TMEM131L: variants seen among roughly 807,000 people sequenced by gnomAD.
The protein encoded by TMEM131L is transmembrane protein 131-like.
In TMEM131L, 54 loss-of-function variants were observed where a neutral mutation model predicts 192.2. That is an observed-to-expected ratio of 0.28 (90% CI 0.23 to 0.35). TMEM131L has a LOEUF of 0.35. Ranked by LOEUF, TMEM131L falls within the 10% of genes least tolerant of loss-of-function variation. TMEM131L has a pLI of 1.00. For synonymous variants in TMEM131L, 701 were observed against 704.9 expected (o/e 0.99, Z 0.09); for missense variants, 1,888 against 1,972.9 (o/e 0.96, Z 0.82).
chr4:153,505,279 G>A (rs982890774), intron 3 of TMEM131L, among the ~76,000 whole-genome samples: 1 of 151,720 alleles, frequency 6.6e-6, no homozygotes, highest in Non-Finnish European at 1.5e-5. Flanking sequence ...GGTAATTTTT[G>A]TATTTTTTAA....
chr4:153,539,517 T>TTTTA (rs1303193199), intron 3 of TMEM131L, among the ~76,000 whole-genome samples: 33 of 141,538 alleles, frequency 2.3e-4, no homozygotes, highest in Non-Finnish European at 4.7e-4. Flanking sequence ...TTTTTTTTTT[T>TTTTA]TGAGGAGAGA....
At chr4:153,543,324 A>T (rs1736934742) in intron 3 of TMEM131L, among the ~76,000 whole-genome samples, 1 of 152,228 alleles carries the variant, frequency 6.6e-6, no homozygotes, top group African/African-American at 2.4e-5. Context: ...TTTTCCTATC[A>T]GTAAACTTCT....
chr4:153,524,710 G>A (rs1735353505), intron 3 of TMEM131L, among the ~76,000 whole-genome samples: 3 of 152,196 alleles, frequency 2.0e-5, no homozygotes, highest in African/African-American at 7.2e-5. Context: ...CCATTTCGTG[G>A]CCTGGAGGAG....
intron 3 of TMEM131L, 42 bp downstream of exon 3, chr4:153,473,930 C>T: frequency 6.9e-7 from 1 of 1,440,552 alleles, no homozygotes; most frequent in Non-Finnish European, 9.5e-7. Flanking sequence ...GCTGAATGTC[C>T]CTGCCCACTT....
chr4:153,502,758 T>C (rs1733703315), intron 3 of TMEM131L, among the ~76,000 whole-genome samples: 1 of 152,266 alleles, frequency 6.6e-6, no homozygotes, highest in East Asian at 1.9e-4. Context: ...TATGAGAAGA[T>C]GCTTAGAGCA....
intron 3 of TMEM131L, among the ~76,000 whole-genome samples, chr4:153,519,955 C>T (rs1580123945): frequency 1.3e-5 from 2 of 152,190 alleles, no homozygotes; most frequent in South Asian, 4.1e-4. Context: ...CCCAGTACAT[C>T]CTAAATGCCA....
At chr4:153,470,175 C>T (rs1022378389) in intron 2 of TMEM131L, among the ~76,000 whole-genome samples, 8 of 152,238 alleles carry the variant, frequency 5.3e-5, no homozygotes, top group Non-Finnish European at 1.2e-4. Context: ...CCCTTTTTAG[C>T]TCCATAAATT....
At chr4:153,573,954 G>A (rs1729763328) in intron 7 of TMEM131L, among the ~76,000 whole-genome samples, 1 of 152,276 alleles carries the variant, frequency 6.6e-6, no homozygotes, top group East Asian at 1.9e-4. Context: ...CCCCTTTGAG[G>A]CCTACTGTGT....
chr4:153,595,862 C>A (rs1561226074), intron 19 of TMEM131L, among the ~76,000 whole-genome samples: 1 of 152,080 alleles, frequency 6.6e-6, no homozygotes, highest in Non-Finnish European at 1.5e-5. Flanking sequence ...ATAAAGAGAT[C>A]TTTGGGTTGT....
At chr4:153,575,761 C>G (rs1729892420) in intron 7 of TMEM131L, among the ~76,000 whole-genome samples, 1 of 152,000 alleles carries the variant, frequency 6.6e-6, no homozygotes, top group South Asian at 2.1e-4. Context: ...TGGGAGGTTT[C>G]AAAACTAGAG....
At chr4:153,549,026 G>A (rs1346435787) in intron 3 of TMEM131L, among the ~76,000 whole-genome samples, 1 of 152,108 alleles carries the variant, frequency 6.6e-6, no homozygotes, top group African/African-American at 2.4e-5. Context: ...GTGCAGTGAT[G>A]CTATCATAGC....
At chr4:153,527,252 G>T (rs562607411) in intron 3 of TMEM131L, among the ~76,000 whole-genome samples, 8 of 151,130 alleles carry the variant, frequency 5.3e-5, no homozygotes, top group African/African-American at 2.0e-4. Flanking sequence ...TTGGTGACTT[G>T]TTGCCAAATC....
At chr4:153,476,266 ATAACT>A (rs1460719952) in intron 3 of TMEM131L, among the ~76,000 whole-genome samples, 3 of 152,176 alleles carry the variant, frequency 2.0e-5, no homozygotes, top group Non-Finnish European at 2.9e-5. Flanking sequence ...GCCTGAATTG[ATAACT>A]TAATTCAGAA....
chr4:153,518,422 T>C (rs1298372902), intron 3 of TMEM131L, among the ~76,000 whole-genome samples: 1 of 152,188 alleles, frequency 6.6e-6, no homozygotes, highest in African/African-American at 2.4e-5. Context: ...GAACCTAGTA[T>C]TGAGGCCTAT....
chr4:153,626,427 A>AT (rs1022442683), intron 30 of TMEM131L, among the ~76,000 whole-genome samples: 2 of 151,996 alleles, frequency 1.3e-5, no homozygotes, highest in African/African-American at 4.8e-5. Context: ...AGGTATCGCT[A>AT]TTTTTTTTCA....
intron 3 of TMEM131L, among the ~76,000 whole-genome samples, chr4:153,529,542 AAAGAG>A (rs778456619): frequency 2.6e-5 from 4 of 152,248 alleles, no homozygotes; most frequent in Middle Eastern, 3.2e-3. Context: ...TTGAAAAACT[AAAGAG>A]AAGAGAAAAC....
intron 3 of TMEM131L, among the ~76,000 whole-genome samples, chr4:153,490,020 G>T (rs1732653788): frequency 6.6e-6 from 1 of 151,902 alleles, no homozygotes; most frequent in Admixed American, 6.6e-5. Context: ...GTCTTGGTGG[G>T]CCATTCTGTT....
At chr4:153,621,548 C>T in intron 27 of TMEM131L, 135 bp from the exon 28 acceptor site, 1 of 768,902 alleles carries the variant, frequency 1.3e-6, no homozygotes, top group Non-Finnish European at 2.1e-6. Flanking sequence ...ACTCTTCCAC[C>T]AGACCCAAAG....
rs779278260 is a variant in TMEM131L, at chr4:153,585,495, A to G, written c.1195A>G (p.Ile399Val). 28 of 1,614,012 alleles carry G rather than the reference A, an allele frequency of 1.7e-5. No individual in the cohort carries two copies. In the South Asian group the frequency reaches 2.2e-4, roughly 13 times the overall value. Residue 399 changes from isoleucine to valine, a missense_variant, in exon 13 of 35, where the codon ATA (isoleucine) becomes GTA (valine). Transcript: ENST00000409959. Reference sequence around the variant, plus strand: ...GGACTCTTCTGCAACCCAGTTTCACATAGAGACTCATGAGAACACATCAGG... The same window carrying G: ...GGACTCTTCTGCAACCCAGTTTCACGTAGAGACTCATGAGAACACATCAGG... ...RMDSSATQFH[I>V]ETHENTSGLW...
Sources: allele counts gnomAD v4.1 joint callset (sites outside exome capture counted in the v4.1 genomes callset), GRCh38; gene constraint gnomAD v4.1.1; transcripts MANE v1.5; gene names NCBI Gene and HGNC (gene_info 2026-07-23, HGNC 2026-07-21).